Variants in ALG5 observed in about 807,000 individuals in gnomAD.
ALG5 encodes dolichyl-phosphate beta-glucosyltransferase.
A neutral mutation model predicts 51.8 loss-of-function variants in ALG5; 26 were observed. The ratio of observed to expected loss-of-function variants is 0.50; its 90% CI spans 0.37 to 0.70. The LOEUF is 0.70. Among genes scored for constraint, ALG5 ranks in the 30% least tolerant of loss-of-function variants. The pLI, the probability that ALG5 is intolerant of heterozygous loss-of-function variation, is 0.00. For missense variants in ALG5, 311 were observed against 399.3 expected, an observed-to-expected ratio of 0.78 and a Z score of 1.88; for synonymous variants, 141 against 136.1, an observed-to-expected ratio of 1.04 and a Z score of -0.25.
chr13:36,997,686 GACC>G (rs1415895504), intron 1 of ALG5, among the ~76,000 whole-genome samples: 1 of 152,024 alleles, frequency 6.6e-6, no homozygotes, highest in African/African-American at 2.4e-5. Flanking sequence ...TTAAATCTGT[GACC>G]ACTTTATTGT....
chr13:36,965,206 C>T (rs1416934114), intron 8 of ALG5, among the ~76,000 whole-genome samples: 2 of 151,866 alleles, frequency 1.3e-5, no homozygotes, highest in African/African-American at 2.4e-5. Flanking sequence ...GTCAAAAGAT[C>T]GGTCTTAGGA....
At chr13:36,991,548 A>G (rs544514693) in intron 4 of ALG5, among the ~76,000 whole-genome samples, 8 of 152,288 alleles carry the variant, frequency 5.3e-5, no homozygotes, top group Admixed American at 2.6e-4. Context: ...TATGGCCCCA[A>G]TAATGCAGTG....
chr13:36,963,374 C>T (rs2058877031), intron 8 of ALG5, among the ~76,000 whole-genome samples: 1 of 152,166 alleles, frequency 6.6e-6, no homozygotes, highest in African/African-American at 2.4e-5. Context: ...TTTAAGTTAT[C>T]AATCCTAACC....
At chr13:36,968,522 C>G (rs2058905874) in intron 7 of ALG5, among the ~76,000 whole-genome samples, 1 of 152,110 alleles carries the variant, frequency 6.6e-6, no homozygotes, top group African/African-American at 2.4e-5. Context: ...TACCGTTATA[C>G]AGAACACATG....
intron 7 of ALG5, among the ~76,000 whole-genome samples, chr13:36,970,061 T>C (rs1316311917): frequency 6.7e-6 from 1 of 148,972 alleles, no homozygotes; most frequent in Non-Finnish European, 1.5e-5. Context: ...TAATTATACA[T>C]ATATATACTA....
intron 6 of ALG5, among the ~76,000 whole-genome samples, chr13:36,980,835 G>A (rs1452232037): frequency 1.3e-5 from 2 of 151,962 alleles, no homozygotes; most frequent in Admixed American, 6.6e-5. Context: ...ATAGCCTGGC[G>A]TGGTGGTGCG....
intron 8 of ALG5, among the ~76,000 whole-genome samples, chr13:36,964,577 G>C (rs1279937319): frequency 6.6e-6 from 1 of 152,106 alleles, no homozygotes; most frequent in Non-Finnish European, 1.5e-5. Flanking sequence ...GCTGCTGATG[G>C]GTTAAGTGTG....
intron 6 of ALG5, among the ~76,000 whole-genome samples, chr13:36,984,507 T>C (rs2058993399): frequency 7.1e-6 from 1 of 140,430 alleles, no homozygotes; most frequent in Admixed American, 7.7e-5. Flanking sequence ...TACTTGCATG[T>C]AATTTTGTCC....
intron 6 of ALG5, among the ~76,000 whole-genome samples, chr13:36,980,505 A>G (rs2058975000): frequency 6.6e-6 from 1 of 152,076 alleles, no homozygotes; most frequent in Non-Finnish European, 1.5e-5. Context: ...GGGATTACAG[A>G]TGTGAGCCAC....
At chr13:36,951,975 C>T (rs966960779) in intron 9 of ALG5, among the ~76,000 whole-genome samples, 2 of 152,032 alleles carry the variant, frequency 1.3e-5, no homozygotes, top group East Asian at 1.9e-4. Flanking sequence ...TTAGTAAAGA[C>T]GGGGTTTCAC....
chr13:36,989,895 AC>A (rs1173013554), intron 4 of ALG5, among the ~76,000 whole-genome samples: 2 of 152,030 alleles, frequency 1.3e-5, no homozygotes, highest in African/African-American at 2.4e-5. Context: ...CAACAAAAAA[AC>A]CCCACAAAAG....
intron 7 of ALG5, among the ~76,000 whole-genome samples, chr13:36,967,019 T>C (rs956107151): frequency 2.0e-5 from 3 of 151,726 alleles, no homozygotes; most frequent in African/African-American, 7.3e-5. Flanking sequence ...GGTCAGGGGT[T>C]CAAGACCAGC....
chr13:36,982,809 GTA>G (rs533839795), intron 6 of ALG5, among the ~76,000 whole-genome samples: 244 of 152,282 alleles, frequency 1.6e-3, no homozygotes, highest in Non-Finnish European at 2.8e-3. Flanking sequence ...CCTGCAAAGA[GTA>G]TTACATGATG....
intron 6 of ALG5, among the ~76,000 whole-genome samples, chr13:36,985,073 G>A (rs1215844251): frequency 6.6e-6 from 1 of 151,462 alleles, no homozygotes; most frequent in Non-Finnish European, 1.5e-5. Context: ...TCCAGATTGG[G>A]AAGTATTTGG....
At chr13:36,989,223 T>C (rs2059015095) in intron 5 of ALG5, among the ~76,000 whole-genome samples, 1 of 152,218 alleles carries the variant, frequency 6.6e-6, no homozygotes, top group South Asian at 2.1e-4. Flanking sequence ...CTGCTAACTC[T>C]ATCAAAGATA....
chr13:36,985,088 C>T (rs576462834), intron 6 of ALG5, among the ~76,000 whole-genome samples: 14 of 151,406 alleles, frequency 9.2e-5, no homozygotes, highest in African/African-American at 2.4e-4. Flanking sequence ...ATTTGGCAAA[C>T]GCTCAGGATC....
At chr13:36,957,459 C>T (rs1455328897) in intron 8 of ALG5, among the ~76,000 whole-genome samples, 1 of 152,078 alleles carries the variant, frequency 6.6e-6, no homozygotes, top group Non-Finnish European at 1.5e-5. Flanking sequence ...ACAATGGCCC[C>T]GCTTTCAAGG....
Position 36,995,604 on chromosome 13 carries a change from C to T in ALG5, c.67-8G>A. Reference sequence around the variant, plus strand: ...AAATGCAACGATGGAAATCTAAAAGCAGACATACATGTCTTTTACAAAACA... The same window carrying T: ...AAATGCAACGATGGAAATCTAAAAGTAGACATACATGTCTTTTACAAAACA... On this transcript the variant is annotated splice_polypyrimidine_tract_variant and splice_region_variant and intron_variant, in intron 1 of 9. Coordinates refer to ENST00000239891, the MANE Select transcript of ALG5 (RefSeq NM_013338.5). 1.3e-6 allele frequency: 2 copies of T among 1,597,620 alleles called. No individual in the cohort carries two copies. Among genetic ancestry groups the T allele is most frequent in the East Asian group, 2.2e-5 (1 of 44,772 alleles).
chr13:36,995,341 G>A, intron 2 of ALG5, 84 bp downstream of exon 2: 1 of 1,389,096 alleles, frequency 7.2e-7, no homozygotes, highest in Non-Finnish European at 9.9e-7. Flanking sequence ...TTAATGTTTT[G>A]GCAAAGACAG....
Sources: allele counts gnomAD v4.1 joint callset (sites outside exome capture counted in the v4.1 genomes callset), GRCh38; gene constraint gnomAD v4.1.1; transcripts MANE v1.5; gene names NCBI Gene and HGNC (gene_info 2026-07-23, HGNC 2026-07-21).